The following ITGAE variants were observed in gnomAD, a reference collection of about 807,000 sequenced individuals.
ITGAE encodes the protein integrin subunit alpha E.
Under a neutral mutation model 136.5 loss-of-function variants are expected in ITGAE, and 99 were observed. The observed-to-expected ratio is 0.73, with a 90% CI of 0.62 to 0.86. ITGAE has a LOEUF of 0.86. Ranked by LOEUF, ITGAE falls within the 40% of genes least tolerant of loss-of-function variation. The pLI, the probability that ITGAE is intolerant of heterozygous loss-of-function variation, is 0.00. For synonymous variants in ITGAE, 613 were observed against 591.8 expected, an observed-to-expected ratio of 1.04 and a Z score of -0.52; for missense variants, 1,447 against 1,515.3, an observed-to-expected ratio of 0.95 and a Z score of 0.75.
At chr17:3,783,842 A>T (rs1168082005) in intron 1 of ITGAE, among the ~76,000 whole-genome samples, 1 of 152,234 alleles carries the variant, frequency 6.6e-6, no homozygotes, top group Non-Finnish European at 1.5e-5. Context: ...TTAAATCTGT[A>T]TTTATCCAAT....
At chr17:3,792,214 C>T (rs534847112) in intron 1 of ITGAE, among the ~76,000 whole-genome samples, 53 of 152,220 alleles carry the variant, frequency 3.5e-4, no homozygotes, top group African/African-American at 1.1e-3. Flanking sequence ...CTCTGCCTCC[C>T]GGGTTCAAGC....
At chr17:3,788,244 TC>T (rs2052846294) in intron 1 of ITGAE, among the ~76,000 whole-genome samples, 1 of 151,850 alleles carries the variant, frequency 6.6e-6, no homozygotes, top group African/African-American at 2.4e-5. Context: ...TTAATGAAGT[TC>T]AAAAAAAATT....
chr17:3,765,174 C>A (rs2052265931), intron 2 of ITGAE, among the ~76,000 whole-genome samples: 2 of 151,608 alleles, frequency 1.3e-5, no homozygotes, highest in South Asian at 4.2e-4. Context: ...ATGGTGAAAC[C>A]CCGTCTCTAC....
chr17:3,797,116 A>G (rs1442742199), intron 1 of ITGAE, among the ~76,000 whole-genome samples: 1 of 149,490 alleles, frequency 6.7e-6, no homozygotes, highest in Non-Finnish European at 1.5e-5. Flanking sequence ...ACAGGCCTTG[A>G]GCACTACTGT....
In ITGAE at chr17:3,753,942, G is replaced by T; in HGVS notation, c.1385-17C>A. 1 of 1,612,888 alleles carries T rather than the reference G, an allele frequency of 6.2e-7. No individual in the cohort carries two copies. The highest frequency in any genetic ancestry group is 8.5e-7 in the Non-Finnish European group (1 of 1,179,462). On this transcript the variant is annotated splice_polypyrimidine_tract_variant and intron_variant, in intron 12 of 30. Transcript: ENST00000263087. ...CAGCGTAACCTGGGGCAAGGGTGGT[G>T]TGGCTGTGAACACACCGTGTGCTCC...
In ITGAE at chr17:3,723,307, G is replaced by A. The variant is rs909391751; in HGVS notation, c.3218C>T (p.Ser1073Phe). 8.1e-6 allele frequency: 13 copies of A among 1,612,332 alleles called. No individual in the cohort carries two copies. The highest frequency in any genetic ancestry group is 6.7e-5 in the Admixed American group (4 of 60,008). ...AAACACCTCCTCAGAGTGATCCCAG[G>A]AGATCTCTGCAGCCACGGTGACATT... ...KENVTVAAEISWDHSEELLKD... is the reference protein window; with the variant it reads ...KENVTVAAEIFWDHSEELLKD... The change falls in exon 28 of 31, where the codon TCC (serine) becomes TTC (phenylalanine). Residue 1073 changes from serine to phenylalanine, a missense_variant. Physicochemically the swap from Ser to Phe is radical, Grantham distance 155. Around this residue, in one of 3 missense-constraint regions of ITGAE, gnomAD observed 1,031 missense variants for 1,011.4 expected, o/e 1.02. Transcript: ENST00000263087.
At chr17:3,764,077 G>A in intron 2 of ITGAE, 117 bp from the exon 3 acceptor site, 1 of 680,342 alleles carries the variant, frequency 1.5e-6, no homozygotes, top group Admixed American at 2.8e-5. Flanking sequence ...TGTCTGGCCG[G>A]CAGATTCCTA....
At chr17:3,745,044 G>A (rs190959652) in intron 18 of ITGAE, among the ~76,000 whole-genome samples, 1 of 152,148 alleles carries the variant, frequency 6.6e-6, no homozygotes, top group Non-Finnish European at 1.5e-5. Flanking sequence ...GATCCATATA[G>A]ATCCAAAGTT....
At position 3,761,990 on chromosome 17, in the gene ITGAE, A is replaced by C; in HGVS notation, c.248-8T>G. On this transcript the variant is annotated splice_polypyrimidine_tract_variant and splice_region_variant and intron_variant, in intron 3 of 30. Transcript: ENST00000263087. ...TGGGGATGGGGACATGCTCTGAAAAAGTTAAGCCCAGGTGAGGAGGAGGAG... is the reference window on the plus strand; with the variant it reads ...TGGGGATGGGGACATGCTCTGAAAACGTTAAGCCCAGGTGAGGAGGAGGAG... 2 of 1,613,218 alleles carry C rather than the reference A, an allele frequency of 1.2e-6. No individual in the cohort carries two copies. Among genetic ancestry groups the C allele is most frequent in the Non-Finnish European group, 1.7e-6 (2 of 1,179,612 alleles).
chr17:3,723,710 G>A lies in ITGAE; in HGVS notation c.3119C>T (p.Ala1040Val), dbSNP rs1386094376. ...TACCTGAACCGAACTGTACGCACAA[G>A]CGCGCTCCTGACTCCAGGTGCACAC... is the stretch of plus-strand genomic sequence containing the variant. ...STVCTWSQER[A>V]CAYSSVQHVE... is the part of the protein sequence containing the mutation. Residue 1040 changes from alanine (A) to valine (V), a missense_variant, in exon 27 of 31, where the codon GCT (alanine) becomes GTT (valine). Physicochemically the swap from Ala to Val is moderately conservative, Grantham distance 64 (BLOSUM62 0). Around this residue, in one of 3 missense-constraint regions of ITGAE, gnomAD observed 1,031 missense variants for 1,011.4 expected, o/e 1.02. Transcript: ENST00000263087. 1.9e-6 allele frequency: 3 copies of A among 1,603,800 alleles called. No individual in the cohort carries two copies. Among genetic ancestry groups the A allele is most frequent in the Admixed American group, 3.4e-5 (2 of 58,608 alleles).
Position 3,761,130 on chromosome 17 carries a change from T to G in ITGAE, c.481A>C (p.Ser161Arg), listed in dbSNP as rs750569617. The stretch of plus-strand genomic sequence containing the variant: ...TCTTCTCCACCGCCTTCTTTGTTGC[T>G]GTAGCAGTCTCCAGTGTCCACACGT... Reference protein sequence around the residue: ...DARVDTGDCYSNKEGGGEDDV... With the variant: ...DARVDTGDCYRNKEGGGEDDV... Residue 161 changes from serine (S) to arginine (R), a missense_variant, in exon 6 of 31, where the codon AGC becomes CGC. Ser to Arg is a moderately radical substitution (Grantham distance 110, BLOSUM62 -1). Coordinates refer to ENST00000263087, the MANE Select transcript of ITGAE (RefSeq NM_002208.5). The G allele has an allele frequency of 6.2e-7, 1 of 1,613,438 alleles. No individual in the cohort carries two copies. Among genetic ancestry groups the G allele is most frequent in the South Asian group, 1.1e-5 (1 of 91,090 alleles).
chr17:3,757,854 C>G lies in ITGAE; in HGVS notation c.872G>C (p.Ser291Thr). The change falls in exon 9 of 31, where the codon AGC becomes ACC. Residue 291 changes from serine to threonine, a missense_variant. Physicochemically the swap from Ser to Thr is moderately conservative, Grantham distance 58. This residue lies in a region of ITGAE where 310 missense variants were observed against 416.1 expected (regional missense o/e 0.74). Coordinates refer to ENST00000263087, the MANE Select transcript of ITGAE (RefSeq NM_002208.5). ...GGAGCCGTGGCTTGAGGTGAAGATG[C>G]TGTCTCTAAGCAGGGGAGAGTAAAT... The part of the protein sequence containing the change: ...TASAMQHVLD[S>T]IFTSSHGSRR... The G allele has an allele frequency of 6.2e-7, 1 of 1,614,132 alleles. No individual in the cohort carries two copies. The highest frequency in any genetic ancestry group is 8.5e-7 in the Non-Finnish European group (1 of 1,180,024).
intron 1 of ITGAE, among the ~76,000 whole-genome samples, chr17:3,790,904 C>T (rs2143466786): frequency 6.6e-6 from 1 of 152,228 alleles, no homozygotes; most frequent in African/African-American, 2.4e-5. Context: ...CCTGTAATCC[C>T]AGCACTTTGG....
At position 3,723,439 on chromosome 17, in the gene ITGAE, CTTT is replaced by C. The variant is rs1228908814; in HGVS notation, c.3142-59_3142-57del. 14 of 1,276,454 alleles carry C rather than the reference CTTT, an allele frequency of 1.1e-5. No homozygotes were observed. The East Asian group carries it at 1.4e-4, about 13-fold the overall frequency. 79.1% of individuals were successfully genotyped at this position (1,276,454 alleles called of 1,614,324 possible). A position where few individuals can be genotyped will look rare whatever the true frequency, so the allele number is the denominator to read the frequency against. ...CCTTTCCGTGCGGAAAGTCTGAAAT[CTTT>C]TTAACACTTCGGACACAGAGCATCG... On this transcript the variant is annotated intron_variant, in intron 27 of 30. Transcript: ENST00000263087.
At chr17:3,752,436 C>T (rs1004027462) in intron 14 of ITGAE, among the ~76,000 whole-genome samples, 8 of 152,194 alleles carry the variant, frequency 5.3e-5, no homozygotes, top group Non-Finnish European at 1.0e-4. Context: ...CTGGACTAAA[C>T]GGGCTTTGCC....
intron 1 of ITGAE, among the ~76,000 whole-genome samples, chr17:3,787,688 CTCTT>C (rs1567558966): frequency 6.7e-6 from 1 of 150,134 alleles, no homozygotes; most frequent in African/African-American, 2.5e-5. Flanking sequence ...AAATGGTTTT[CTCTT>C]TTTTTTTTTT....
intron 16 of ITGAE, among the ~76,000 whole-genome samples, chr17:3,748,360 A>T (rs9902548): frequency 2.0e-5 from 3 of 151,646 alleles, no homozygotes; most frequent in Non-Finnish European, 4.4e-5. Flanking sequence ...CCGAGGCGGG[A>T]GGATCACCTG....
chr17:3,727,143 C>T (rs1281354843), intron 26 of ITGAE, among the ~76,000 whole-genome samples: 2 of 152,046 alleles, frequency 1.3e-5, no homozygotes, highest in Non-Finnish European at 2.9e-5. Context: ...GCTTCAGCTT[C>T]ATACTGAGCA....
chr17:3,732,523 G>A (rs941553682), intron 21 of ITGAE, 57 bp from the exon 22 acceptor site: 29 of 1,461,724 alleles, frequency 2.0e-5, no homozygotes, highest in Middle Eastern at 1.7e-4. Context: ...AAACAAAAAC[G>A]TGGTTTCCTC....
Sources: allele counts gnomAD v4.1 joint callset (sites outside exome capture counted in the v4.1 genomes callset), GRCh38; gene constraint gnomAD v4.1.1; regional missense constraint gnomAD v4.1.1; transcripts MANE v1.5; gene names NCBI Gene and HGNC (gene_info 2026-07-23, HGNC 2026-07-21).